Variants in NAALADL2 observed in about 807,000 individuals in gnomAD.
NAALADL2 encodes N-acetylated alpha-linked acidic dipeptidase like 2, also known as inactive N-acetylated-alpha-linked acidic dipeptidase-like protein 2.
In NAALADL2, 76 loss-of-function variants were observed where a neutral mutation model predicts 87.2. That is an observed-to-expected ratio of 0.87 (90% CI 0.72 to 1.05). The LOEUF is 1.05. NAALADL2 is among the 50% of genes least tolerant of loss of function. The pLI, the probability that NAALADL2 is intolerant of heterozygous loss-of-function variation, is 0.00. For missense variants in NAALADL2, 1,089 were observed against 945.8 expected, an observed-to-expected ratio of 1.15 and a Z score of -1.99; for synonymous variants, 354 against 331.0, an observed-to-expected ratio of 1.07 and a Z score of -0.75.
chr3:175,102,821 A>G (rs1722444680), intron 2 of NAALADL2, among the ~76,000 whole-genome samples: 2 of 152,202 alleles, frequency 1.3e-5, no homozygotes, highest in Non-Finnish European at 1.5e-5. Flanking sequence ...AGAAAATGTT[A>G]TAAATTGGCC....
chr3:175,271,979 T>C (rs1324196952), intron 4 of NAALADL2, among the ~76,000 whole-genome samples: 2 of 152,170 alleles, frequency 1.3e-5, no homozygotes, highest in African/African-American at 4.8e-5. Context: ...TCCTGATTCC[T>C]TTTAAAATTA....
chr3:175,733,564 G>T (rs1054806381), intron 11 of NAALADL2, among the ~76,000 whole-genome samples: 3 of 152,020 alleles, frequency 2.0e-5, no homozygotes, highest in Non-Finnish European at 2.9e-5. Flanking sequence ...CCATATCATT[G>T]CACCCCTGGC....
intron 2 of NAALADL2, among the ~76,000 whole-genome samples, chr3:174,558,610 C>T (rs1283139332): frequency 1.3e-5 from 2 of 151,976 alleles, no homozygotes; most frequent in Non-Finnish European, 2.9e-5. Flanking sequence ...GAAAATCTAA[C>T]GCTGCCGCTG....
chr3:174,806,958 G>A (rs1392108207), intron 3 of NAALADL2, among the ~76,000 whole-genome samples: 1 of 151,986 alleles, frequency 6.6e-6, no homozygotes, highest in Admixed American at 6.6e-5. Context: ...TTATAGATTA[G>A]GGAACCAGCA....
intron 1 of NAALADL2, among the ~76,000 whole-genome samples, chr3:175,040,999 AT>A (rs748514579): frequency 1.6e-4 from 24 of 152,098 alleles, no homozygotes; most frequent in Non-Finnish European, 3.4e-4. Context: ...TACTGCCTTA[AT>A]TTTTCTGTCA....
chr3:175,479,115 T>G (rs1342686412), intron 9 of NAALADL2, among the ~76,000 whole-genome samples: 1 of 151,776 alleles, frequency 6.6e-6, no homozygotes, highest in Non-Finnish European at 1.5e-5. Context: ...TGTTGTTATG[T>G]ACTTATCTTT....
intron 1 of NAALADL2, among the ~76,000 whole-genome samples, chr3:174,954,686 A>G (rs1419324345): frequency 6.6e-6 from 1 of 152,078 alleles, no homozygotes; most frequent in Non-Finnish European, 1.5e-5. Flanking sequence ...TAAAATGCAG[A>G]TCCAACAACA....
chr3:174,884,609 T>A (rs1729831787), intron 1 of NAALADL2, among the ~76,000 whole-genome samples: 1 of 152,148 alleles, frequency 6.6e-6, no homozygotes, highest in Admixed American at 6.5e-5. Context: ...GGCAAATCCA[T>A]ATCTGGAATA....
intron 2 of NAALADL2, among the ~76,000 whole-genome samples, chr3:175,163,075 GAA>G (rs1560106974): frequency 6.6e-6 from 1 of 151,934 alleles, no homozygotes; most frequent in Non-Finnish European, 1.5e-5. Flanking sequence ...TATTGTTTCC[GAA>G]AAGTGTCTTA....
intron 1 of NAALADL2, among the ~76,000 whole-genome samples, chr3:174,501,154 C>T (rs981456844): frequency 7.2e-6 from 1 of 139,048 alleles, no homozygotes; most frequent in African/African-American, 3.2e-5. Flanking sequence ...TCTCGGCTCA[C>T]TGCAAGCTCC....
At chr3:174,627,413 T>A (rs1194672305) in intron 2 of NAALADL2, among the ~76,000 whole-genome samples, 2 of 152,142 alleles carry the variant, frequency 1.3e-5, no homozygotes, top group Admixed American at 1.3e-4. Context: ...GAATGCCTAT[T>A]ATTGAAAAGT....
chr3:175,142,609 T>C (rs993952728), intron 2 of NAALADL2, among the ~76,000 whole-genome samples: 1 of 126,042 alleles, frequency 7.9e-6, no homozygotes, highest in African/African-American at 5.2e-5. Flanking sequence ...TTACTGCACT[T>C]TTTTTTTTAA....
chr3:174,826,349 T>C (rs929963211), intron 3 of NAALADL2, among the ~76,000 whole-genome samples: 1 of 152,208 alleles, frequency 6.6e-6, no homozygotes, highest in Non-Finnish European at 1.5e-5. Context: ...CTCTGTTATT[T>C]GCAAGACCTC....
chr3:175,578,055 A>T (rs966910938), intron 10 of NAALADL2, among the ~76,000 whole-genome samples: 1 of 152,126 alleles, frequency 6.6e-6, no homozygotes, highest in African/African-American at 2.4e-5. Flanking sequence ...CTGAAATTTT[A>T]AATCGCTTCA....
chr3:175,019,510 C>T (rs1221351283), intron 1 of NAALADL2, among the ~76,000 whole-genome samples: 1 of 151,998 alleles, frequency 6.6e-6, no homozygotes, highest in African/African-American at 2.4e-5. Flanking sequence ...TAATATGACA[C>T]AGTACATTGA....
intron 12 of NAALADL2, among the ~76,000 whole-genome samples, chr3:175,752,164 G>C (rs1011263944): frequency 3.9e-5 from 6 of 152,022 alleles, no homozygotes; most frequent in Non-Finnish European, 7.4e-5. Flanking sequence ...TACGATCTGG[G>C]AATACAAAGA....
At chr3:175,141,686 A>G (rs2108728708) in intron 2 of NAALADL2, among the ~76,000 whole-genome samples, 1 of 152,236 alleles carries the variant, frequency 6.6e-6, no homozygotes, top group South Asian at 2.1e-4. Context: ...ATACAGATTG[A>G]TCTGAGACTA....
intron 1 of NAALADL2, among the ~76,000 whole-genome samples, chr3:174,905,152 T>C (rs1219226743): frequency 6.6e-6 from 1 of 151,758 alleles, no homozygotes; most frequent in East Asian, 1.9e-4. Context: ...TAATTCTGGC[T>C]TTACCATAAA....
At chr3:175,307,572 A>C (rs1377972323) in intron 4 of NAALADL2, among the ~76,000 whole-genome samples, 1 of 152,178 alleles carries the variant, frequency 6.6e-6, no homozygotes, top group Non-Finnish European at 1.5e-5. Context: ...TTTCTTTAAC[A>C]CTGTAAGCAT....
Sources: allele counts gnomAD v4.1 joint callset (sites outside exome capture counted in the v4.1 genomes callset), GRCh38; gene constraint gnomAD v4.1.1; transcripts MANE v1.5; gene names NCBI Gene and HGNC (gene_info 2026-07-23, HGNC 2026-07-21).